Variants in IRF2 observed in about 807,000 individuals in gnomAD.
The protein encoded by IRF2 is interferon regulatory factor 2.
In IRF2, 15 loss-of-function variants were observed where a neutral mutation model predicts 40.6. The ratio of observed to expected loss-of-function variants is 0.37; its 90% CI spans 0.25 to 0.57. The LOEUF (loss-of-function observed/expected upper bound fraction) is 0.57. Among genes scored for constraint, IRF2 ranks in the 20% least tolerant of loss-of-function variants. IRF2 has a pLI of 0.77. For missense variants in IRF2, 317 were observed against 455.7 expected (o/e 0.70, Z 2.77); for synonymous variants, 151 against 165.5 (o/e 0.91, Z 0.67).
intron 1 of IRF2, among the ~76,000 whole-genome samples, chr4:184,436,302 C>T (rs140911460): frequency 1.6e-3 from 251 of 152,300 alleles, no homozygotes; most frequent in African/African-American, 5.5e-3. Context: ...ATTACCCAGT[C>T]ACCCAATGGA....
chr4:184,391,076 C>G (rs2149890154), intron 7 of IRF2, among the ~76,000 whole-genome samples: 1 of 152,358 alleles, frequency 6.6e-6, no homozygotes, highest in South Asian at 2.1e-4. Flanking sequence ...TCCTGTCTTT[C>G]AATCCATGCC....
chr4:184,397,188 C>T, intron 7 of IRF2, among the ~76,000 whole-genome samples: 1 of 152,188 alleles, frequency 6.6e-6, no homozygotes, highest in East Asian at 1.9e-4. Flanking sequence ...TCCACTTACG[C>T]TCCTAGCATA....
intron 5 of IRF2, among the ~76,000 whole-genome samples, chr4:184,411,577 C>T (rs1288017116): frequency 3.3e-5 from 4 of 122,000 alleles, no homozygotes; most frequent in East Asian, 2.7e-4. Flanking sequence ...CACAGTAAAA[C>T]GGAGCCAGCA....
chr4:184,473,956 G>T (rs3733475), intron 1 of IRF2: 49,652 of 152,112 alleles, frequency 0.33, 9,563 homozygotes, highest in East Asian at 0.48. Context: ...AATGAGGCCC[G>T]ACTCCAGCTG....
At chr4:184,445,134 C>T (rs540724122) in intron 1 of IRF2, among the ~76,000 whole-genome samples, 2 of 152,308 alleles carry the variant, frequency 1.3e-5, no homozygotes, top group Admixed American at 1.3e-4. Context: ...TCAGAGCATG[C>T]GCCGGGCTGA....
intron 1 of IRF2, among the ~76,000 whole-genome samples, chr4:184,457,366 G>A (rs538790351): frequency 2.0e-5 from 3 of 152,244 alleles, no homozygotes; most frequent in South Asian, 2.1e-4. Flanking sequence ...CCGGCGTGAC[G>A]TCACTCGGAA....
At position 184,387,782 on chromosome 4, in the gene IRF2, T is replaced by C. The variant is rs1465637096; in HGVS notation, c.*976A>G. The C allele has an allele frequency of 6.6e-6, 1 of 151,908 alleles. No homozygotes were observed. The highest frequency in any genetic ancestry group is 2.0e-4 in the East Asian group (1 of 5,128). 9.4% of individuals were successfully genotyped at this position (151,908 alleles called of 1,614,324 possible). ...TCAATCCACAGGAAAATCTGATTGC[T>C]ACATGAGCTCATAAAAGCTTTTTTC... On this transcript the variant is annotated 3_prime_UTR_variant, in exon 9 of 9. Coordinates refer to ENST00000393593, the MANE Select transcript of IRF2 (RefSeq NM_002199.4).
intron 1 of IRF2, chr4:184,449,142 C>G (rs1189519799): frequency 6.5e-6 from 1 of 152,734 alleles, no homozygotes; most frequent in African/African-American, 2.4e-5. Context: ...TCTCCTCGGC[C>G]CCCAACCCCA....
chr4:184,452,336 A>G (rs1051620635), intron 1 of IRF2, among the ~76,000 whole-genome samples: 1 of 152,224 alleles, frequency 6.6e-6, no homozygotes, highest in Non-Finnish European at 1.5e-5. Flanking sequence ...AGCATTCTGC[A>G]CCTGTCCTAC....
intron 5 of IRF2, among the ~76,000 whole-genome samples, chr4:184,409,299 A>G (rs1248460160): frequency 6.6e-6 from 1 of 152,130 alleles, no homozygotes; most frequent in Non-Finnish European, 1.5e-5. Context: ...GCTTATTTAT[A>G]CACTACTTGG....
chr4:184,433,157 T>C (rs974860426), intron 1 of IRF2, among the ~76,000 whole-genome samples: 1 of 152,170 alleles, frequency 6.6e-6, no homozygotes, highest in African/African-American at 2.4e-5. Context: ...TAGGGTCAGT[T>C]TGGCCAACGT....
intron 1 of IRF2, among the ~76,000 whole-genome samples, chr4:184,442,496 C>T (rs748183791): frequency 3.3e-5 from 5 of 152,162 alleles, no homozygotes; most frequent in African/African-American, 4.8e-5. Flanking sequence ...GTGTGCCCTG[C>T]CCAGCCCATA....
chr4:184,463,345 G>A (rs1450759908), intron 1 of IRF2, among the ~76,000 whole-genome samples: 3 of 152,184 alleles, frequency 2.0e-5, no homozygotes, highest in Admixed American at 6.5e-5. Context: ...CACCAACCAA[G>A]ATGGTAGCCA....
intron 1 of IRF2, among the ~76,000 whole-genome samples, chr4:184,434,566 G>A (rs991185866): frequency 1.3e-5 from 2 of 152,176 alleles, no homozygotes; most frequent in Admixed American, 6.5e-5. Flanking sequence ...CGAAAGGCAC[G>A]TTGTAAAATC....
At chr4:184,418,910 C>G (rs1269858844) in intron 3 of IRF2, among the ~76,000 whole-genome samples, 1 of 152,182 alleles carries the variant, frequency 6.6e-6, no homozygotes, top group African/African-American at 2.4e-5. Flanking sequence ...AAAACCTGAA[C>G]AGTTCCAGTC....
chr4:184,398,263 C>T (rs1736537053), intron 7 of IRF2, among the ~76,000 whole-genome samples: 1 of 152,128 alleles, frequency 6.6e-6, no homozygotes, highest in Non-Finnish European at 1.5e-5. Flanking sequence ...AACTGAGAAT[C>T]CATTAAAACA....
At chr4:184,454,930 C>G (rs968225902) in intron 1 of IRF2, among the ~76,000 whole-genome samples, 5 of 152,164 alleles carry the variant, frequency 3.3e-5, no homozygotes, top group Admixed American at 6.5e-5. Flanking sequence ...AAATTCCAAA[C>G]AGTAGGGCCC....
At chr4:184,459,745 A>T (rs758889089) in intron 1 of IRF2, among the ~76,000 whole-genome samples, 1 of 152,254 alleles carries the variant, frequency 6.6e-6, no homozygotes, top group Non-Finnish European at 1.5e-5. Context: ...CTAGGAGCAC[A>T]TGAAGTGATG....
rs752622719 is a variant in IRF2, at chr4:184,388,594, A to G, written c.*164T>C. On this transcript the variant is annotated 3_prime_UTR_variant, in exon 9 of 9. Transcript: ENST00000393593. This position sits in a 1 kb window ranked among gnomAD's most constrained non-coding sequence, Gnocchi z 4.6. ...AATGGGCTGGAGTCCTGAGTTAAAG[A>G]GAAGCTCCAGTACTGGAGTTGGACA... 57 of 679,516 alleles carry G rather than the reference A, an allele frequency of 8.4e-5. No homozygotes were observed. Among genetic ancestry groups the G allele is most frequent in the Non-Finnish European group, 7.3e-6 (3 of 411,220 alleles). The allele number at this position is 679,516 out of a possible 1,614,324, so 42.1% of individuals were successfully genotyped here.
Sources: allele counts gnomAD v4.1 joint callset (sites outside exome capture counted in the v4.1 genomes callset), GRCh38; gene constraint gnomAD v4.1.1; non-coding constraint Gnocchi (gnomAD v3.1); transcripts MANE v1.5; gene names NCBI Gene and HGNC (gene_info 2026-07-23, HGNC 2026-07-21).